Variants in KCNK5 observed in about 807,000 individuals in gnomAD.
KCNK5 encodes the protein potassium channel subfamily K member 5.
KCNK5 carries 18 observed loss-of-function variants against 32.9 expected under a neutral mutation model. The ratio of observed to expected loss-of-function variants is 0.55; its 90% confidence interval spans 0.38 to 0.81. The LOEUF is 0.81. Among genes scored for constraint, KCNK5 ranks in the 30% least tolerant of loss-of-function variants. KCNK5 has a pLI of 0.00. For synonymous variants in KCNK5, 276 were observed against 275.3 expected (o/e 1.00, Z -0.03); for missense variants, 507 against 651.0 (o/e 0.78, Z 2.41).
At chr6:39,193,631 G>C (rs1247860545) in intron 4 of KCNK5, among the ~76,000 whole-genome samples, 1 of 152,252 alleles carries the variant, frequency 6.6e-6, no homozygotes, top group African/African-American at 2.4e-5. Flanking sequence ...CAGGGGAGGA[G>C]TAGGAGGGAG....
intron 2 of KCNK5, 27 bp downstream of exon 2, chr6:39,195,849 G>T: frequency 1.3e-6 from 2 of 1,553,452 alleles, no homozygotes; most frequent in East Asian, 2.2e-5. Flanking sequence ...ATGGATGTGG[G>T]TGTCCTACAG....
intron 4 of KCNK5, among the ~76,000 whole-genome samples, chr6:39,192,092 G>T (rs57500036): frequency 6.6e-6 from 1 of 151,856 alleles, no homozygotes; most frequent in African/African-American, 2.4e-5. Context: ...TCAGGAGTTC[G>T]AAACCAGTCT....
chr6:39,217,470 T>G lies in KCNK5; in HGVS notation c.186+11456A>C, dbSNP rs573933070. On this transcript the variant is annotated intron_variant, in intron 1 of 4. Coordinates refer to ENST00000359534, the MANE Select transcript of KCNK5 (RefSeq NM_003740.4). ...GGACACGTGGCAATCCCCTTTCAGC[T>G]CATCTCTTCTTTGGGGCACTGCTTC... Among the ~76,000 whole-genome samples the G allele has an allele frequency of 3.3e-5, 5 of 152,318 alleles. No individual in the cohort carries two copies. In the South Asian group the frequency reaches 1.0e-3, roughly 32 times the overall value.
intron 1 of KCNK5, among the ~76,000 whole-genome samples, chr6:39,209,798 G>A (rs9462492): frequency 0.092 from 13,952 of 152,226 alleles, 814 homozygotes; most frequent in South Asian, 0.18. Flanking sequence ...CTGGTGGAGT[G>A]AAAGAACATT....
intron 1 of KCNK5, among the ~76,000 whole-genome samples, chr6:39,210,411 G>T (rs9462493): frequency 6.6e-6 from 1 of 152,078 alleles, no homozygotes; most frequent in Admixed American, 6.5e-5. Flanking sequence ...ACTCCCCCTA[G>T]GGACCCCTGG....
Position 39,191,575 on chromosome 6 carries a change from T to A in KCNK5, c.815A>T (p.His272Leu). 1 of 1,613,558 alleles carries A rather than the reference T, an allele frequency of 6.2e-7. No individual in the cohort carries two copies. Among genetic ancestry groups the A allele is most frequent in the African/African-American group, 1.3e-5 (1 of 74,860 alleles). ...CTTCACCTGCAGGGCCTTCCGGGAG[T>A]GTGGGGAGCTCTCAAAGGACTCCTT... ...RRKESFESSP[H>L]SRKALQVKGS... Residue 272 changes from histidine (H) to leucine (L), a missense_variant, in exon 5 of 5, where the codon CAC becomes CTC. Around this residue, in one of 6 missense-constraint regions of KCNK5, gnomAD observed 42 missense variants for 35.3 expected, o/e 1.19. Transcript: ENST00000359534. The surrounding 1 kb of genome is among the most constrained non-coding windows in gnomAD (Gnocchi z 5.8).
rs530583976 is a variant in KCNK5, at chr6:39,200,223, C to T, written c.187-4236G>A. On this transcript the variant is annotated intron_variant, in intron 1 of 4. Transcript: ENST00000359534. ...CTTTAACTTGGCTCCCAAATTCACA[C>T]GAGACAATATTTTCATTTTCCATAC... Among the ~76,000 whole-genome samples the T allele has an allele frequency of 5.3e-5, 8 of 152,232 alleles. No individual in the cohort carries two copies. In the East Asian group the frequency reaches 5.8e-4, roughly 11 times the overall value.
intron 1 of KCNK5, among the ~76,000 whole-genome samples, chr6:39,197,286 A>T (rs1028041084): frequency 3.3e-5 from 5 of 152,218 alleles, no homozygotes; most frequent in African/African-American, 1.2e-4. Flanking sequence ...GGTTGTTCTG[A>T]AGGAAAGTGT....
chr6:39,214,162 G>A (rs1864060), intron 1 of KCNK5, among the ~76,000 whole-genome samples: 22 of 152,180 alleles, frequency 1.4e-4, no homozygotes, highest in East Asian at 3.8e-4. Context: ...TGTGAACTCT[G>A]AATTTCCAGT....
Position 39,191,441 on chromosome 6 carries a change from C to T in KCNK5, c.949G>A (p.Gly317Arg), listed in dbSNP as rs142417837. The change falls in exon 5 of 5, where the codon GGG becomes AGG. Residue 317 changes from glycine (G) to arginine (R), a missense_variant. Transcript: ENST00000359534. The surrounding 1 kb of genome is among the most constrained non-coding windows in gnomAD (Gnocchi z 5.8). ...QIGKKAMKTS[G>R]GGETGPGPGL... is the part of the protein sequence containing the mutation. ...GGGCCCGGGCCCGTCTCCCCACCCC[C>T]GCTTGTCTTCATGGCCTTCTTCCCG... 2.0e-5 allele frequency: 33 copies of T among 1,613,406 alleles called. No homozygotes were observed. The highest frequency in any genetic ancestry group is 1.2e-4 in the African/African-American group (9 of 75,006).
intron 1 of KCNK5, among the ~76,000 whole-genome samples, chr6:39,205,189 C>G (rs534626985): frequency 6.6e-6 from 1 of 152,294 alleles, no homozygotes; most frequent in East Asian, 1.9e-4. Context: ...AGCTCTCAGG[C>G]ACCTGGAGGG....
intron 1 of KCNK5, among the ~76,000 whole-genome samples, chr6:39,205,002 G>C (rs1771198315): frequency 6.6e-6 from 1 of 152,240 alleles, no homozygotes; most frequent in Non-Finnish European, 1.5e-5. Flanking sequence ...AACAAGGCAG[G>C]TGACCCTGCC....
At chr6:39,226,928 C>A (rs1476159613) in intron 1 of KCNK5, among the ~76,000 whole-genome samples, 1 of 152,108 alleles carries the variant, frequency 6.6e-6, no homozygotes, top group African/African-American at 2.4e-5. Context: ...TGGCTTGATG[C>A]CCAAGTCCTT....
intron 1 of KCNK5, among the ~76,000 whole-genome samples, chr6:39,201,393 A>AAT (rs1376666148): frequency 2.0e-5 from 3 of 152,026 alleles, no homozygotes; most frequent in Non-Finnish European, 4.4e-5. Context: ...CTGGGATTAC[A>AAT]GGCAGGTGCC....
intron 1 of KCNK5, among the ~76,000 whole-genome samples, chr6:39,212,379 T>C (rs1771357610): frequency 6.6e-6 from 1 of 152,222 alleles, no homozygotes; most frequent in African/African-American, 2.4e-5. Context: ...GTGACTACCA[T>C]ACTAGTACCA....
chr6:39,224,941 G>C (rs1171533460), intron 1 of KCNK5, among the ~76,000 whole-genome samples: 1 of 146,484 alleles, frequency 6.8e-6, no homozygotes, highest in African/African-American at 2.5e-5. Context: ...CTCTTGCTCT[G>C]TTGCCCAGGC....
chr6:39,227,443 T>C (rs960281995), intron 1 of KCNK5, among the ~76,000 whole-genome samples: 2 of 152,056 alleles, frequency 1.3e-5, no homozygotes, highest in African/African-American at 2.4e-5. Flanking sequence ...ATGCCAGGAC[T>C]CTTGCTGTTA....
intron 1 of KCNK5, among the ~76,000 whole-genome samples, chr6:39,211,424 C>T (rs1321698417): frequency 2.0e-5 from 3 of 152,150 alleles, no homozygotes; most frequent in African/African-American, 4.8e-5. Context: ...GCGCTCGCCT[C>T]GGCTGTGCTT....
chr6:39,209,131 A>T (rs1771281806), intron 1 of KCNK5, among the ~76,000 whole-genome samples: 1 of 152,140 alleles, frequency 6.6e-6, no homozygotes, highest in Non-Finnish European at 1.5e-5. Context: ...TATTACCCTA[A>T]AGTTCAGGCT....
Sources: allele counts gnomAD v4.1 joint callset (sites outside exome capture counted in the v4.1 genomes callset), GRCh38; gene constraint gnomAD v4.1.1; regional missense constraint gnomAD v4.1.1; non-coding constraint Gnocchi (gnomAD v3.1); transcripts MANE v1.5; gene names NCBI Gene and HGNC (gene_info 2026-07-23, HGNC 2026-07-21).